FHL5: variants seen among roughly 807,000 people sequenced by gnomAD.
FHL5 encodes four and a half LIM domains protein 5.
FHL5 carries 33 observed loss-of-function variants against 32.0 expected under a neutral mutation model. That is an observed-to-expected ratio of 1.03 (90% CI 0.78 to 1.38). The LOEUF is 1.38. Among genes scored for constraint, FHL5 ranks in the 40% most tolerant of loss-of-function variants. The probability of loss-of-function intolerance (pLI) is 0.00; values close to 1 mark genes in which losing one functional copy is unlikely to be tolerated. For synonymous variants in FHL5, 114 were observed against 113.6 expected, an observed-to-expected ratio of 1.00 and a Z score of -0.02; for missense variants, 336 against 343.9, an observed-to-expected ratio of 0.98 and a Z score of 0.18.
intron 1 of FHL5, among the ~76,000 whole-genome samples, chr6:96,595,112 T>C (rs940572769): frequency 6.6e-6 from 1 of 151,882 alleles, no homozygotes; most frequent in African/African-American, 2.4e-5. Flanking sequence ...GTTTCCTTTT[T>C]TTCTTTCTTT....
intron 1 of FHL5, among the ~76,000 whole-genome samples, chr6:96,585,010 C>A (rs1770770715): frequency 6.6e-6 from 1 of 152,134 alleles, no homozygotes; most frequent in Non-Finnish European, 1.5e-5. Context: ...GAGCAGTATA[C>A]CTTGCTCAGT....
At chr6:96,611,340 T>C (rs918903106) in intron 5 of FHL5, among the ~76,000 whole-genome samples, 5 of 152,004 alleles carry the variant, frequency 3.3e-5, no homozygotes, top group African/African-American at 4.8e-5. Flanking sequence ...TATGAGTAGA[T>C]GAAAGAAAAC....
At chr6:96,595,752 T>A (rs1771021891) in intron 1 of FHL5, among the ~76,000 whole-genome samples, 1 of 151,990 alleles carries the variant, frequency 6.6e-6, no homozygotes, top group South Asian at 2.1e-4. Flanking sequence ...AGTTTTTATC[T>A]CTTTTATTTC....
At chr6:96,600,741 T>G (rs957942180) in intron 1 of FHL5, among the ~76,000 whole-genome samples, 1 of 152,198 alleles carries the variant, frequency 6.6e-6, no homozygotes. Flanking sequence ...AATTTCTTAG[T>G]GTATTTTTTC....
At chr6:96,605,586 A>G (rs1408708778) in intron 3 of FHL5, among the ~76,000 whole-genome samples, 3 of 152,140 alleles carry the variant, frequency 2.0e-5, no homozygotes, top group African/African-American at 7.2e-5. Context: ...TTATGGCCCA[A>G]TTTATCCAAA....
chr6:96,594,242 TA>T (rs1770984772), intron 1 of FHL5, among the ~76,000 whole-genome samples: 1 of 57,974 alleles, frequency 1.7e-5, no homozygotes, highest in Non-Finnish European at 4.5e-5. Context: ...TATATATATA[TA>T]TATATATATA....
At chr6:96,610,959 G>A (rs1241427777) in intron 5 of FHL5, among the ~76,000 whole-genome samples, 2 of 152,174 alleles carry the variant, frequency 1.3e-5, no homozygotes, top group South Asian at 2.1e-4. Context: ...TATAATTTGG[G>A]TGACTATACT....
At chr6:96,578,759 T>C (rs1770638286) in intron 1 of FHL5, among the ~76,000 whole-genome samples, 2 of 152,114 alleles carry the variant, frequency 1.3e-5, no homozygotes, top group South Asian at 4.1e-4. Context: ...CAAGAATCGC[T>C]TGAACCTGGG....
In FHL5 at chr6:96,610,728, A is replaced by G; in HGVS notation, c.661A>G (p.Lys221Glu). The change falls in exon 5 of 6, where the codon AAG becomes GAG. Residue 221 changes from lysine to glutamate, a missense_variant. Lys to Glu is a moderately conservative substitution (Grantham distance 56). Transcript: ENST00000450218. ...CTGCTACAACCATCTTTATGCCAAC[A>G]AGTGTGTAGCCTGTTCCAAACCCAT... ...VDCYNHLYAN[K>E]CVACSKPISG... The G allele has an allele frequency of 6.2e-7, 1 of 1,613,838 alleles. No individual in the cohort carries two copies. Among genetic ancestry groups the G allele is most frequent in the Non-Finnish European group, 8.5e-7 (1 of 1,179,752 alleles).
chr6:96,611,155 A>T (rs899956102), intron 5 of FHL5, among the ~76,000 whole-genome samples: 2 of 152,228 alleles, frequency 1.3e-5, no homozygotes, highest in Admixed American at 6.5e-5. Context: ...CTAAAATAGG[A>T]CCAAGCATCC....
At chr6:96,590,071 T>C (rs147166044) in intron 1 of FHL5, among the ~76,000 whole-genome samples, 8 of 152,028 alleles carry the variant, frequency 5.3e-5, no homozygotes, top group Non-Finnish European at 7.4e-5. Flanking sequence ...AGTAGCTTTA[T>C]AATGTCTTGA....
intron 5 of FHL5, among the ~76,000 whole-genome samples, chr6:96,612,103 C>G (rs899448189): frequency 2.0e-5 from 3 of 152,198 alleles, no homozygotes; most frequent in Non-Finnish European, 2.9e-5. Flanking sequence ...CATCACTCAG[C>G]TAGATCACCT....
chr6:96,570,783 G>A lies in FHL5; in HGVS notation c.-13+7428G>A, dbSNP rs1770459077. Among the ~76,000 whole-genome samples the A allele has an allele frequency of 2.0e-5, 3 of 151,840 alleles. No individual in the cohort carries two copies. The South Asian group carries it at 6.2e-4, about 31-fold the overall frequency. On this transcript the variant is annotated intron_variant, in intron 1 of 5. Coordinates refer to ENST00000450218, the MANE Select transcript of FHL5 (RefSeq NM_001322466.2). ...CTGCTTGATCAAGTCTGCTGCTGAA[G>A]CTCTCTATTGTATTTTATATTTTAT...
chr6:96,573,041 C>A (rs9285393), intron 1 of FHL5, among the ~76,000 whole-genome samples: 32,505 of 152,086 alleles, frequency 0.21, 3,577 homozygotes, highest in Middle Eastern at 0.28. Context: ...GAAGATTAAC[C>A]GTTCTCCTGA....
chr6:96,604,476 A>G (rs561939752), intron 2 of FHL5, among the ~76,000 whole-genome samples: 1 of 152,286 alleles, frequency 6.6e-6, no homozygotes, highest in African/African-American at 2.4e-5. Flanking sequence ...TATAGTTTAT[A>G]AAAAGAATAT....
At chr6:96,605,834 T>A (rs1200427521) in intron 3 of FHL5, 68 bp from the exon 4 acceptor site, 1 of 1,243,990 alleles carries the variant, frequency 8.0e-7, no homozygotes, top group Non-Finnish European at 1.1e-6. Context: ...AGTAATTTGA[T>A]CTGTATTTGC....
Position 96,563,140 on chromosome 6 carries a change from G to A in FHL5, c.-228G>A, listed in dbSNP as rs1770281978. The A allele has an allele frequency of 6.6e-6, 1 of 152,162 alleles. No homozygotes were observed. The highest frequency in any genetic ancestry group is 6.5e-5 in the Admixed American group (1 of 15,270). The allele number at this position is 152,162 out of a possible 1,614,324, so 9.4% of individuals were successfully genotyped here. ...GCTTTTTCAGCCCAGTAGGAGTCAT[G>A]TACACGGTATAAGACTTGGAGGAAA... is the stretch of plus-strand genomic sequence containing the variant. On this transcript the variant is annotated 5_prime_UTR_variant, in exon 1 of 6. It removes an upstream start codon present in the reference 5' UTR. Coordinates refer to ENST00000450218, the MANE Select transcript of FHL5 (RefSeq NM_001322466.2).
At chr6:96,578,644 C>T (rs781416238) in intron 1 of FHL5, among the ~76,000 whole-genome samples, 18 of 152,198 alleles carry the variant, frequency 1.2e-4, no homozygotes, top group Non-Finnish European at 2.1e-4. Flanking sequence ...GAGTTCGAGA[C>T]TACCCTGGCC....
Position 96,613,113 on chromosome 6 carries a change from C to T in FHL5, c.691+2355C>T, listed in dbSNP as rs186074908. 1.2e-3 allele frequency among the ~76,000 whole-genome samples: 188 copies of T among 152,132 alleles called. 1 individual carries two copies. Among genetic ancestry groups the T allele is most frequent in the African/African-American group, 4.3e-3 (180 of 41,512 alleles). On this transcript the variant is annotated intron_variant, in intron 5 of 5. Coordinates refer to ENST00000450218, the MANE Select transcript of FHL5 (RefSeq NM_001322466.2). The stretch of plus-strand genomic sequence containing the variant: ...GAGAATAGATTTTTAAATGTTCTCA[C>T]CACACACACAAAAAAGCATATGATA...
Sources: gnomAD v4.1 joint callset for allele counts (sites outside exome capture counted in the v4.1 genomes callset) on GRCh38, gnomAD v4.1.1 for gene constraint, MANE v1.5 for transcripts, NCBI Gene and HGNC (gene_info 2026-07-23, HGNC 2026-07-21) for gene names.